Variants in SAMD7 observed in about 807,000 individuals in gnomAD.
SAMD7 encodes sterile alpha motif domain containing 7.
SAMD7 carries 34 observed loss-of-function variants against 36.7 expected under a neutral mutation model. The observed-to-expected ratio is 0.93, with a 90% CI of 0.71 to 1.23. The LOEUF is 1.23. SAMD7 is among the 50% of genes most tolerant of loss of function. The probability of loss-of-function intolerance (pLI) is 0.00; values close to 1 mark genes in which losing one functional copy is unlikely to be tolerated. For synonymous variants in SAMD7, 188 were observed against 189.7 expected (o/e 0.99, Z 0.07); for missense variants, 570 against 546.6 (o/e 1.04, Z -0.43).
chr3:169,934,107 G>A (rs983986364), intron 7 of SAMD7, among the ~76,000 whole-genome samples: 3 of 152,262 alleles, frequency 2.0e-5, no homozygotes, highest in African/African-American at 7.2e-5. Flanking sequence ...AGGTGGACAG[G>A]GCCAGGTCAC....
intron 7 of SAMD7, among the ~76,000 whole-genome samples, chr3:169,930,684 C>T (rs1479454142): frequency 2.0e-5 from 3 of 149,806 alleles, no homozygotes; most frequent in African/African-American, 2.5e-5. Context: ...TGGGTTCAAG[C>T]GATTCTCCTG....
chr3:169,936,317 A>G (rs778040962), intron 7 of SAMD7, 22 bp from the exon 8 acceptor site: 1 of 1,423,354 alleles, frequency 7.0e-7, no homozygotes, highest in Non-Finnish European at 9.9e-7. Context: ...AGACAGAGTT[A>G]ACACCTTTTG....
intron 5 of SAMD7, 113 bp downstream of exon 5, chr3:169,925,249 C>T (rs1713210295): frequency 1.6e-6 from 1 of 618,366 alleles, no homozygotes; most frequent in Admixed American, 3.4e-5. Flanking sequence ...AATAAATACA[C>T]ACACACAAAT....
intron 4 of SAMD7, among the ~76,000 whole-genome samples, chr3:169,924,237 G>A (rs73178420): frequency 0.031 from 4,737 of 151,852 alleles, 102 homozygotes; most frequent in South Asian, 0.066. Context: ...TTTCTTTCAA[G>A]ATAGATTATT....
intron 4 of SAMD7, among the ~76,000 whole-genome samples, chr3:169,922,923 C>T (rs921088573): frequency 6.6e-6 from 1 of 152,204 alleles, no homozygotes; most frequent in Admixed American, 6.5e-5. Flanking sequence ...GAGAATATAT[C>T]ATTAGATTTA....
intron 3 of SAMD7, 67 bp downstream of exon 3, chr3:169,919,651 T>C (rs1712959873): frequency 7.8e-7 from 1 of 1,274,216 alleles, no homozygotes; most frequent in Non-Finnish European, 1.1e-6. Context: ...TTTGGAATGA[T>C]GTTAAGTCTA....
intron 7 of SAMD7, among the ~76,000 whole-genome samples, chr3:169,931,838 C>A (rs1713507010): frequency 6.6e-6 from 1 of 152,000 alleles, no homozygotes; most frequent in Non-Finnish European, 1.5e-5. Flanking sequence ...GCATGGGTAG[C>A]CACGAGCGAG....
At chr3:169,925,625 G>A (rs1713227446) in intron 5 of SAMD7, among the ~76,000 whole-genome samples, 3 of 152,174 alleles carry the variant, frequency 2.0e-5, no homozygotes, top group Admixed American at 2.0e-4. Context: ...TACTCAGGAG[G>A]CTGAGGCAGA....
chr3:169,926,526 G>A (rs778329307), intron 5 of SAMD7, 27 bp from the exon 6 acceptor site: 2 of 1,580,676 alleles, frequency 1.3e-6, no homozygotes, highest in East Asian at 2.2e-5. Context: ...TTCTTGGGCT[G>A]TATAAAATAT....
At chr3:169,919,629 C>A (rs1362976784) in intron 3 of SAMD7, 45 bp downstream of exon 3, 3 of 1,379,300 alleles carry the variant, frequency 2.2e-6, no homozygotes, top group Admixed American at 1.7e-5. Flanking sequence ...ACAACATGGA[C>A]AATCATTACG....
intron 1 of SAMD7, among the ~76,000 whole-genome samples, chr3:169,914,862 A>G (rs1435294711): frequency 6.6e-6 from 1 of 152,190 alleles, no homozygotes; most frequent in Non-Finnish European, 1.5e-5. Context: ...TTTCAGAAGA[A>G]AGGCATTTGT....
intron 4 of SAMD7, among the ~76,000 whole-genome samples, chr3:169,922,519 G>A (rs970050782): frequency 6.6e-6 from 1 of 152,142 alleles, no homozygotes; most frequent in Admixed American, 6.6e-5. Context: ...GTTTGTTTGA[G>A]ATGGAGTTTC....
chr3:169,912,494 G>A (rs1198405476), intron 1 of SAMD7, among the ~76,000 whole-genome samples: 3 of 152,178 alleles, frequency 2.0e-5, no homozygotes, highest in African/African-American at 4.8e-5. Flanking sequence ...TGAAGAAAGT[G>A]AACATAATTT....
intron 4 of SAMD7, among the ~76,000 whole-genome samples, chr3:169,922,958 T>A (rs1229513030): frequency 6.6e-6 from 1 of 152,248 alleles, no homozygotes; most frequent in East Asian, 1.9e-4. Flanking sequence ...TCATCAGAGA[T>A]TTTGATGTGA....
At chr3:169,928,351 C>T (rs908531113) in intron 6 of SAMD7, 106 bp from the exon 7 acceptor site, 11 of 821,586 alleles carry the variant, frequency 1.3e-5, no homozygotes, top group Admixed American at 2.3e-5. Context: ...TCTTGTAAGG[C>T]GTTTGCAAAT....
In SAMD7 at chr3:169,913,550, G is replaced by A. The variant is rs571968403; in HGVS notation, c.-117+1729G>A. ...GTAAGAGTCTGAAGACAGAGATTAA[G>A]GAGTCCTCATCCTCCTAATGTGCTG... On this transcript the variant is annotated intron_variant, in intron 1 of 8. Transcript: ENST00000335556. 2.0e-5 allele frequency among the ~76,000 whole-genome samples: 3 copies of A among 152,300 alleles called. No homozygotes were observed. The South Asian group carries it at 6.2e-4, about 32-fold the overall frequency.
chr3:169,934,540 A>T (rs142839962), intron 7 of SAMD7, among the ~76,000 whole-genome samples: 58 of 152,288 alleles, frequency 3.8e-4, no homozygotes, highest in Admixed American at 1.5e-3. Context: ...ATAGTCTGGA[A>T]TTGCCCACAC....
At chr3:169,919,310 T>C (rs1311488558) in intron 2 of SAMD7, 148 bp from the exon 3 acceptor site, 2 of 601,778 alleles carry the variant, frequency 3.3e-6, no homozygotes, top group Non-Finnish European at 5.9e-6. Flanking sequence ...CAATTATATC[T>C]GGGGTTTTTG....
At chr3:169,935,606 A>G (rs1463041784) in intron 7 of SAMD7, among the ~76,000 whole-genome samples, 1 of 152,170 alleles carries the variant, frequency 6.6e-6, no homozygotes, top group Non-Finnish European at 1.5e-5. Context: ...AGGAGGGTGG[A>G]GATAGCTTGA....
Sources: gnomAD v4.1 joint callset for allele counts (sites outside exome capture counted in the v4.1 genomes callset) on GRCh38, gnomAD v4.1.1 for gene constraint, MANE v1.5 for transcripts, NCBI Gene and HGNC (gene_info 2026-07-23, HGNC 2026-07-21) for gene names.